The following MYO3B variants were observed in gnomAD, a reference collection of about 807,000 sequenced individuals.
The protein encoded by MYO3B is myosin-IIIb.
A neutral mutation model predicts 174.6 loss-of-function variants in MYO3B; 156 were observed. The ratio of observed to expected loss-of-function variants is 0.89; its 90% confidence interval spans 0.78 to 1.02. The LOEUF (loss-of-function observed/expected upper bound fraction) is 1.02, where lower values mean the gene tolerates loss of function less well. Ranked by LOEUF, MYO3B falls within the 50% of genes least tolerant of loss-of-function variation. The pLI is 0.00. For missense variants in MYO3B, 1,632 were observed against 1,639.4 expected (o/e 1.00, Z 0.08); for synonymous variants, 563 against 569.1 (o/e 0.99, Z 0.15).
At chr2:170,391,403 T>C (rs1574902952) in intron 14 of MYO3B, 117 bp from the exon 15 acceptor site, 1 of 552,056 alleles carries the variant, frequency 1.8e-6, no homozygotes, top group East Asian at 3.2e-5. Flanking sequence ...TAATATTTAA[T>C]TGCCTGAAAA....
At chr2:170,275,697 A>G (rs942927059) in intron 7 of MYO3B, among the ~76,000 whole-genome samples, 6 of 152,142 alleles carry the variant, frequency 3.9e-5, no homozygotes, top group South Asian at 4.1e-4. Flanking sequence ...GAATAGTTTT[A>G]TGCTTTGCAG....
intron 8 of MYO3B, among the ~76,000 whole-genome samples, chr2:170,355,713 T>G (rs1238386199): frequency 6.6e-6 from 1 of 152,218 alleles, no homozygotes; most frequent in African/African-American, 2.4e-5. Context: ...TTTCATTCTT[T>G]GCAATGAATA....
At chr2:170,379,508 G>T (rs1374588664) in intron 9 of MYO3B, among the ~76,000 whole-genome samples, 2 of 151,964 alleles carry the variant, frequency 1.3e-5, no homozygotes, top group Non-Finnish European at 2.9e-5. Flanking sequence ...TTTGTTTTTT[G>T]ATTAACTTCA....
chr2:170,320,550 A>G (rs2093817920), intron 7 of MYO3B, among the ~76,000 whole-genome samples: 1 of 152,212 alleles, frequency 6.6e-6, no homozygotes, highest in Non-Finnish European at 1.5e-5. Flanking sequence ...TGAATGTTTC[A>G]TGGGCACTTG....
chr2:170,291,541 C>A (rs2105419182), intron 7 of MYO3B, among the ~76,000 whole-genome samples: 1 of 152,120 alleles, frequency 6.6e-6, no homozygotes, highest in East Asian at 1.9e-4. Flanking sequence ...GAAGATTTTT[C>A]TTTTTGCATG....
intron 22 of MYO3B, among the ~76,000 whole-genome samples, chr2:170,427,186 A>G (rs892950317): frequency 6.6e-6 from 1 of 152,190 alleles, no homozygotes; most frequent in African/African-American, 2.4e-5. Flanking sequence ...AACCTCTAGA[A>G]TTAGTGTAGA....
intron 6 of MYO3B, among the ~76,000 whole-genome samples, chr2:170,230,832 GATGAGGCCC>G (rs1433244510): frequency 6.6e-6 from 1 of 152,172 alleles, no homozygotes; most frequent in Non-Finnish European, 1.5e-5. Context: ...CAGTGCTTCG[GATGAGGCCC>G]ATGAAAAAGG....
At chr2:170,446,933 T>A (rs1287761413) in intron 23 of MYO3B, among the ~76,000 whole-genome samples, 2 of 152,224 alleles carry the variant, frequency 1.3e-5, no homozygotes, top group African/African-American at 2.4e-5. Flanking sequence ...AGGGTATGAT[T>A]TAATGGTATT....
intron 7 of MYO3B, among the ~76,000 whole-genome samples, chr2:170,297,798 A>G (rs956539536): frequency 6.6e-6 from 1 of 152,174 alleles, no homozygotes; most frequent in Non-Finnish European, 1.5e-5. Context: ...AGTCTGATGA[A>G]TGTTAAAATT....
intron 22 of MYO3B, among the ~76,000 whole-genome samples, chr2:170,414,876 G>A (rs981971611): frequency 2.0e-5 from 3 of 152,086 alleles, no homozygotes; most frequent in African/African-American, 7.2e-5. Flanking sequence ...GTTATTCATT[G>A]CTAATATGTA....
intron 17 of MYO3B, 87 bp downstream of exon 17, chr2:170,400,401 CCT>C: frequency 1.7e-6 from 2 of 1,208,710 alleles, no homozygotes; most frequent in East Asian, 2.8e-5. Context: ...ATTTGCTGGT[CCT>C]TTTTTTTTTT....
At chr2:170,427,041 A>T (rs953017432) in intron 22 of MYO3B, among the ~76,000 whole-genome samples, 3 of 152,076 alleles carry the variant, frequency 2.0e-5, no homozygotes, top group African/African-American at 7.2e-5. Context: ...AAAGAAATAG[A>T]TACTTAGTAC....
intron 12 of MYO3B, 65 bp downstream of exon 12, chr2:170,383,879 A>G (rs1007180746): frequency 1.2e-5 from 16 of 1,301,072 alleles, no homozygotes; most frequent in East Asian, 4.6e-5. Flanking sequence ...TTCCTCGTCA[A>G]CTCCTAAGTC....
At chr2:170,285,626 A>G (rs2093550317) in intron 7 of MYO3B, among the ~76,000 whole-genome samples, 1 of 152,096 alleles carries the variant, frequency 6.6e-6, no homozygotes, top group Non-Finnish European at 1.5e-5. Context: ...TGTCCTCTCA[A>G]AGTGCTGGGA....
chr2:170,426,783 G>A (rs918674709), intron 22 of MYO3B, among the ~76,000 whole-genome samples: 2 of 152,000 alleles, frequency 1.3e-5, no homozygotes, highest in African/African-American at 4.8e-5. Flanking sequence ...ACTTTGGGAA[G>A]CCAAGGCAGG....
At chr2:170,633,059 C>T (rs1697151294) in intron 32 of MYO3B, among the ~76,000 whole-genome samples, 1 of 152,164 alleles carries the variant, frequency 6.6e-6, no homozygotes, top group Non-Finnish European at 1.5e-5. Flanking sequence ...GGAGCTGGTA[C>T]CATTCCTTTT....
chr2:170,188,494 C>A (rs189915654), intron 1 of MYO3B, among the ~76,000 whole-genome samples: 1 of 152,010 alleles, frequency 6.6e-6, no homozygotes. Context: ...TTAATTCTGC[C>A]ATTTTGTCAT....
chr2:170,435,203 A>G (rs1344725782), intron 22 of MYO3B, among the ~76,000 whole-genome samples: 1 of 152,210 alleles, frequency 6.6e-6, no homozygotes. Flanking sequence ...GGAGAAGGGA[A>G]GTCAAGGTCA....
Position 170,199,339 on chromosome 2 carries a change from C to G in MYO3B, c.134C>G (p.Thr45Ser). The G allele has an allele frequency of 6.2e-7, 1 of 1,613,208 alleles. No homozygotes were observed. The highest frequency in any genetic ancestry group is 8.5e-7 in the Non-Finnish European group (1 of 1,179,576). The change falls in exon 2 of 35, where the codon ACT becomes AGT. Residue 45 changes from threonine to serine, a missense_variant. Coordinates refer to ENST00000408978, the MANE Select transcript of MYO3B (RefSeq NM_138995.5). ...KGTYGKVYKVTNKRDGSLAAV... is the reference protein window; with the variant it reads ...KGTYGKVYKVSNKRDGSLAAV... The stretch of plus-strand genomic sequence containing the variant: ...ACCTATGGCAAAGTCTACAAGGTAA[C>G]TAACAAGAGAGATGGGAGCCTGGCT...
Sources: allele counts gnomAD v4.1 joint callset (sites outside exome capture counted in the v4.1 genomes callset), GRCh38; gene constraint gnomAD v4.1.1; transcripts MANE v1.5; gene names NCBI Gene and HGNC (gene_info 2026-07-23, HGNC 2026-07-21).